The following SOS2 variants were observed in gnomAD, a reference collection of about 807,000 sequenced individuals.
The protein encoded by SOS2 is SOS Ras/Rho guanine nucleotide exchange factor 2, also known as son of sevenless homolog 2.
A neutral mutation model predicts 148.2 loss-of-function variants in SOS2; 65 were observed. The ratio of observed to expected loss-of-function variants is 0.44; its 90% CI spans 0.36 to 0.54. SOS2 has a LOEUF of 0.54. Among genes scored for constraint, SOS2 ranks in the 20% least tolerant of loss-of-function variants. SOS2 has a pLI of 0.00. For synonymous variants in SOS2, 539 were observed against 537.1 expected, an observed-to-expected ratio of 1.00 and a Z score of -0.05; for missense variants, 1,341 against 1,590.2, an observed-to-expected ratio of 0.84 and a Z score of 2.67.
intron 1 of SOS2, among the ~76,000 whole-genome samples, chr14:50,225,847 A>G (rs1028561876): frequency 6.6e-6 from 1 of 152,218 alleles, no homozygotes; most frequent in African/African-American, 2.4e-5. Flanking sequence ...ATTCTCAGGC[A>G]GAGACCTTAA....
At chr14:50,192,433 G>A (rs913943826) in intron 4 of SOS2, among the ~76,000 whole-genome samples, 3 of 152,048 alleles carry the variant, frequency 2.0e-5, no homozygotes, top group Non-Finnish European at 2.9e-5. Flanking sequence ...GCACGCACCT[G>A]TAATCCCAGC....
intron 21 of SOS2, among the ~76,000 whole-genome samples, chr14:50,121,310 T>C (rs1416733696): frequency 2.6e-5 from 4 of 152,216 alleles, no homozygotes; most frequent in Non-Finnish European, 4.4e-5. Context: ...ATTTGATCTC[T>C]CTATATTCAC....
intron 7 of SOS2, among the ~76,000 whole-genome samples, chr14:50,175,987 T>C (rs1163781274): frequency 1.3e-5 from 2 of 152,242 alleles, no homozygotes; most frequent in Admixed American, 6.5e-5. Context: ...TGTTATGATC[T>C]GAATGTTTGT....
chr14:50,130,562 T>G lies in SOS2; in HGVS notation c.3276A>C (p.Pro1092=). 6.2e-7 allele frequency: 1 copy of G among 1,613,786 alleles called. No homozygotes were observed. The highest frequency in any genetic ancestry group is 1.1e-5 in the South Asian group (1 of 91,064). Residue 1092 remains proline (P), a synonymous_variant, in exon 20 of 23, where the codon CCA becomes CCC. Transcript: ENST00000216373. ...APTSPNTPST[P]PVSASSDLSV... ...TAAGGTCTGAAGAAGCAGATACTGG[T>G]GGAGTAGATGGTGTATTTGGAGAGG...
intron 7 of SOS2, among the ~76,000 whole-genome samples, chr14:50,177,155 C>CA (rs1555371186): frequency 6.6e-6 from 1 of 151,466 alleles, no homozygotes; most frequent in Non-Finnish European, 1.5e-5. Flanking sequence ...CTGTCTCTAC[C>CA]AAAAAAATAC....
rs574513836 is a variant in SOS2 at position 50,124,508 on chromosome 14, T to C, written c.3380-4124A>G. On this transcript the variant is annotated intron_variant, in intron 21 of 22. Coordinates refer to ENST00000216373, the MANE Select transcript of SOS2 (RefSeq NM_006939.4). ...TCAATTATCTACTGAATCAGTAACA[T>C]CAAAGGGTGTGAACATTTTTATGGT... Among the ~76,000 whole-genome samples, 7 of 152,308 alleles carry C rather than the reference T, an allele frequency of 4.6e-5. No homozygotes were observed. In the East Asian group the frequency reaches 1.4e-3, roughly 29 times the overall value.
chr14:50,161,192 C>T (rs577977214), intron 9 of SOS2, among the ~76,000 whole-genome samples: 29 of 149,660 alleles, frequency 1.9e-4, no homozygotes, highest in South Asian at 1.1e-3. Flanking sequence ...ACTTGGGAGG[C>T]GAAGGCAGGA....
At chr14:50,219,478 C>A (rs995183563) in intron 1 of SOS2, among the ~76,000 whole-genome samples, 1 of 151,916 alleles carries the variant, frequency 6.6e-6, no homozygotes, top group Non-Finnish European at 1.5e-5. Flanking sequence ...AAAATGCAAT[C>A]GATAATGACA....
rs200104745 is a variant in SOS2 at position 50,118,528 on chromosome 14, C to T, written c.3815G>A (p.Arg1272His). Residue 1272 changes from arginine (R) to histidine (H), a missense_variant, in exon 23 of 23, where the codon CGT becomes CAT. Arg to His is a conservative substitution (Grantham distance 29, BLOSUM62 0). Around this residue, in one of 4 missense-constraint regions of SOS2, gnomAD observed 354 missense variants for 347.7 expected, o/e 1.02. Coordinates refer to ENST00000216373, the MANE Select transcript of SOS2 (RefSeq NM_006939.4). The stretch of plus-strand genomic sequence containing the variant: ...ACTAGAACTGAGCACATAGCATCGA[C>T]GCGGTACCCTTGGAGAGGGTGTGCT... ...PPSTPSPRVP[R>H]RCYVLSSSQN... 12 of 1,614,078 alleles carry T rather than the reference C, an allele frequency of 7.4e-6. No individual in the cohort carries two copies. Among genetic ancestry groups the T allele is most frequent in the Admixed American group, 6.7e-5 (4 of 60,022 alleles).
intron 2 of SOS2, among the ~76,000 whole-genome samples, chr14:50,203,013 G>C (rs1169302021): frequency 6.6e-6 from 1 of 151,802 alleles, no homozygotes; most frequent in Non-Finnish European, 1.5e-5. Context: ...ATAAAAATTA[G>C]CTGGGCGCAG....
At chr14:50,182,158 A>G (rs947489434) in intron 6 of SOS2, among the ~76,000 whole-genome samples, 1 of 152,108 alleles carries the variant, frequency 6.6e-6, no homozygotes, top group Admixed American at 6.6e-5. Flanking sequence ...TCTTTTTATA[A>G]TGGCCAGTGG....
chr14:50,133,249 C>CTTTTTTTTTTTTTTTTTTTTTTTTTT (rs1175960937), intron 19 of SOS2, among the ~76,000 whole-genome samples: 1 of 105,630 alleles, frequency 9.5e-6, no homozygotes, highest in Non-Finnish European at 1.7e-5. Context: ...TTTCTTTTTT[C>CTTTTTTTTTTTTTTTTTTTTTTTTTT]TTTTTTTTTT....
At chr14:50,182,711 G>T (rs1482510593) in intron 5 of SOS2, 105 bp from the exon 6 acceptor site, 2 of 794,610 alleles carry the variant, frequency 2.5e-6, no homozygotes, top group Non-Finnish European at 4.0e-6. Flanking sequence ...ACTGCCTATG[G>T]AATAGCCCTG....
intron 21 of SOS2, among the ~76,000 whole-genome samples, chr14:50,120,742 T>TG (rs1479486988): frequency 6.8e-6 from 1 of 147,214 alleles, no homozygotes; most frequent in African/African-American, 2.5e-5. Context: ...AGACCTTTTT[T>TG]TTTTTTTTTT....
chr14:50,120,398 A>C lies in SOS2; in HGVS notation c.3380-14T>G. ...TAAAGAAAGACTCTGGGGGAGAAAA[A>C]GACTAGTTTAACCACAATTCACAGT... On this transcript the variant is annotated splice_polypyrimidine_tract_variant and intron_variant, in intron 21 of 22. Transcript: ENST00000216373. 1 of 1,255,592 alleles carries C rather than the reference A, an allele frequency of 8.0e-7. No individual in the cohort carries two copies. The highest frequency in any genetic ancestry group is 1.2e-6 in the Non-Finnish European group (1 of 860,188). 77.8% of individuals were successfully genotyped at this position (1,255,592 alleles called of 1,614,324 possible).
intron 6 of SOS2, 121 bp downstream of exon 6, chr14:50,182,342 G>A (rs1885771349): frequency 1.2e-6 from 1 of 866,372 alleles, no homozygotes; most frequent in Non-Finnish European, 1.8e-6. Flanking sequence ...TACCATGCCT[G>A]GATAATTATT....
In SOS2 at chr14:50,146,148, A is replaced by AG. The variant is rs1336579853; in HGVS notation, c.2385-553_2385-552insC. 9.5e-3 allele frequency among the ~76,000 whole-genome samples: 1,387 copies of AG among 145,928 alleles called. 23 individuals carry two copies. Among genetic ancestry groups the AG allele is most frequent in the African/African-American group, 0.028 (1,124 of 39,536 alleles). Reference sequence around the variant, plus strand: ...AGCTCTGTCTCCAAAAAAAAAAAAAAAAAAAAAGAAACGAAAAAAAAGTCT... The same window carrying AG: ...AGCTCTGTCTCCAAAAAAAAAAAAAAGAAAAAAAGAAACGAAAAAAAAGTCT... On this transcript the variant is annotated intron_variant, in intron 14 of 22. Coordinates refer to ENST00000216373, the MANE Select transcript of SOS2 (RefSeq NM_006939.4).
rs182303746 is a variant in SOS2 at position 50,150,715 on chromosome 14, G to A, written c.2162-485C>T. 3.2e-3 allele frequency among the ~76,000 whole-genome samples: 480 copies of A among 151,534 alleles called. 3 individuals are homozygous for A. Among genetic ancestry groups the A allele is most frequent in the African/African-American group, 0.011 (443 of 41,348 alleles). ...TAGCTGGGACTGCACATATCACCAC[G>A]CCTGGCTAATTTTTGTATTTTTTTT... On this transcript the variant is annotated intron_variant, in intron 13 of 22. Transcript: ENST00000216373.
At chr14:50,156,415 G>A (rs1884823025) in intron 12 of SOS2, 1 of 152,152 alleles carries the variant, frequency 6.6e-6, no homozygotes, top group Non-Finnish European at 1.5e-5. Context: ...TTGTAAGAAT[G>A]AGATAAAAAA....
Sources: gnomAD v4.1 joint callset for allele counts (sites outside exome capture counted in the v4.1 genomes callset) on GRCh38, gnomAD v4.1.1 for gene constraint, gnomAD v4.1.1 regional missense constraint, MANE v1.5 for transcripts, NCBI Gene and HGNC (gene_info 2026-07-23, HGNC 2026-07-21) for gene names.